The following SOX5 variants were observed in gnomAD, a reference collection of about 807,000 sequenced individuals.
SOX5 encodes SRY-box transcription factor 5.
Under a neutral mutation model 92.0 loss-of-function variants are expected in SOX5, and 9 were observed. The observed-to-expected ratio is 0.10, with a 90% CI of 0.06 to 0.17. The LOEUF is 0.17. Among genes scored for constraint, SOX5 ranks in the 10% least tolerant of loss-of-function variants. The probability of loss-of-function intolerance (pLI) is 1.00; values close to 1 mark genes in which losing one functional copy is unlikely to be tolerated. For missense variants in SOX5, 642 were observed against 944.5 expected (o/e 0.68, Z 4.20); for synonymous variants, 344 against 336.3 (o/e 1.02, Z -0.25).
intron 8 of SOX5, among the ~76,000 whole-genome samples, chr12:23,634,706 A>C (rs2078994792): frequency 1.3e-5 from 2 of 152,186 alleles, no homozygotes; most frequent in Admixed American, 1.3e-4. Context: ...ATAAAATTTC[A>C]ACATTATCTT....
rs149072987 is a variant in SOX5 at position 23,736,658 on chromosome 12, T to C, written c.742-1906A>G. The stretch of plus-strand genomic sequence containing the variant: ...ATGCTTTAATTTTATCTTTGGAATA[T>C]GGTAAAAAAAAAACACATTTTGTTC... On this transcript the variant is annotated intron_variant, in intron 5 of 14. Transcript: ENST00000451604. Among the ~76,000 whole-genome samples the C allele has an allele frequency of 8.0e-3, 1,190 of 149,544 alleles. 17 individuals carry two copies. The highest frequency in any genetic ancestry group is 0.028 in the African/African-American group (1,129 of 40,128).
chr12:24,231,150 CCA>C (rs1963309019), intron 3 of SOX5, among the ~76,000 whole-genome samples: 1 of 152,144 alleles, frequency 6.6e-6, no homozygotes, highest in Non-Finnish European at 1.5e-5. Flanking sequence ...TTGAGATGGA[CCA>C]GTAGATGAAG....
chr12:23,732,534 G>C (rs550847123), intron 6 of SOX5, among the ~76,000 whole-genome samples: 1 of 152,202 alleles, frequency 6.6e-6, no homozygotes, highest in East Asian at 1.9e-4. Flanking sequence ...TGCCTGAAAG[G>C]GTTTTGACTC....
chr12:23,756,994 A>G (rs988903149), intron 3 of SOX5, among the ~76,000 whole-genome samples: 2 of 151,888 alleles, frequency 1.3e-5, no homozygotes, highest in African/African-American at 4.8e-5. Context: ...GGAGTTTTCA[A>G]CAAAGCAGAG....
At chr12:23,594,688 T>C (rs953471278) in intron 9 of SOX5, among the ~76,000 whole-genome samples, 2 of 152,152 alleles carry the variant, frequency 1.3e-5, no homozygotes, top group African/African-American at 4.8e-5. Context: ...AGAATATAAT[T>C]CAAAGTCCTG....
chr12:24,060,739 C>T (rs1290043129), intron 4 of SOX5, among the ~76,000 whole-genome samples: 3 of 152,038 alleles, frequency 2.0e-5, no homozygotes, highest in Admixed American at 6.6e-5. Flanking sequence ...TGCGGGACTT[C>T]GATAAAGCTA....
At chr12:24,217,668 C>A (rs1208971722) in intron 3 of SOX5, among the ~76,000 whole-genome samples, 2 of 152,146 alleles carry the variant, frequency 1.3e-5, no homozygotes, top group African/African-American at 4.8e-5. Flanking sequence ...AAAAACATTT[C>A]TCCTTCTAAG....
At chr12:23,587,530 A>AT (rs1950921529) in intron 9 of SOX5, among the ~76,000 whole-genome samples, 3 of 152,160 alleles carry the variant, frequency 2.0e-5, no homozygotes, top group Admixed American at 6.6e-5. Context: ...ATTCTGAAGA[A>AT]TTTTTTCTAT....
chr12:23,772,174 A>T (rs1028191319), intron 3 of SOX5, among the ~76,000 whole-genome samples: 5 of 152,270 alleles, frequency 3.3e-5, no homozygotes, highest in Admixed American at 1.3e-4. Flanking sequence ...TCAATAAAGC[A>T]TAAGAGAAAT....
intron 4 of SOX5, among the ~76,000 whole-genome samples, chr12:23,973,160 C>CT (rs60609193): frequency 0.049 from 5,442 of 111,932 alleles, 215 homozygotes; most frequent in African/African-American, 0.1. Context: ...TAACTTTTTT[C>CT]TTTTTTTTTT....
intron 9 of SOX5, among the ~76,000 whole-genome samples, chr12:23,578,560 AT>A (rs1949595948): frequency 6.6e-6 from 1 of 152,140 alleles, no homozygotes; most frequent in African/African-American, 2.4e-5. Flanking sequence ...AAAATATGTA[AT>A]ATTACCTCAG....
chr12:24,480,558 T>C (rs1945872519), intron 1 of SOX5, among the ~76,000 whole-genome samples: 1 of 151,870 alleles, frequency 6.6e-6, no homozygotes, highest in South Asian at 2.1e-4. Context: ...AACAACTCTA[T>C]AGGAAAAAAA....
intron 1 of SOX5, among the ~76,000 whole-genome samples, chr12:24,508,450 A>G (rs1344970843): frequency 6.6e-6 from 1 of 152,152 alleles, no homozygotes; most frequent in Non-Finnish European, 1.5e-5. Flanking sequence ...ACTCAAGAGG[A>G]AAGGCAAACT....
chr12:23,926,964 C>T (rs1398764735), intron 1 of SOX5, among the ~76,000 whole-genome samples: 1 of 151,912 alleles, frequency 6.6e-6, no homozygotes, highest in African/African-American at 2.4e-5. Context: ...CCAGAAAGGA[C>T]CTCACAATTC....
chr12:24,350,800 C>T (rs1041152679), intron 2 of SOX5, among the ~76,000 whole-genome samples: 1 of 152,150 alleles, frequency 6.6e-6, no homozygotes, highest in African/African-American at 2.4e-5. Context: ...TGCCTGTAGT[C>T]CTAGCTTTTT....
intron 1 of SOX5, among the ~76,000 whole-genome samples, chr12:23,940,014 C>T (rs373773297): frequency 6.6e-6 from 1 of 151,108 alleles, no homozygotes; most frequent in Non-Finnish European, 1.5e-5. Flanking sequence ...AGCCCCTGTG[C>T]TGTACTCATG....
At chr12:23,861,162 A>T (rs1259840392) in intron 2 of SOX5, among the ~76,000 whole-genome samples, 1 of 152,230 alleles carries the variant, frequency 6.6e-6, no homozygotes, top group African/African-American at 2.4e-5. Flanking sequence ...AAACGGAAGC[A>T]ACTTTCCCTT....
At chr12:23,800,738 T>G (rs1044654946) in intron 3 of SOX5, among the ~76,000 whole-genome samples, 1 of 152,134 alleles carries the variant, frequency 6.6e-6, no homozygotes. Context: ...AAACTATGTT[T>G]ACAATAGTAA....
chr12:23,554,669 T>C (rs1202791200), intron 11 of SOX5, among the ~76,000 whole-genome samples: 4 of 152,186 alleles, frequency 2.6e-5, no homozygotes, highest in Admixed American at 1.3e-4. Flanking sequence ...ATAGCTGTTA[T>C]ACTCCTATGA....
Sources: allele counts gnomAD v4.1 joint callset (sites outside exome capture counted in the v4.1 genomes callset), GRCh38; gene constraint gnomAD v4.1.1; transcripts MANE v1.5; gene names NCBI Gene and HGNC (gene_info 2026-07-23, HGNC 2026-07-21).